IGF2BP2: variants seen among roughly 807,000 people sequenced by gnomAD.
IGF2BP2 encodes the protein insulin like growth factor 2 mRNA binding protein 2.
In IGF2BP2, 17 loss-of-function variants were observed where a neutral mutation model predicts 75.8. That is an observed-to-expected ratio of 0.22 (90% CI 0.15 to 0.34). The LOEUF (loss-of-function observed/expected upper bound fraction) is 0.34. IGF2BP2 is among the 10% of genes least tolerant of loss of function. The pLI, the probability that IGF2BP2 is intolerant of heterozygous loss-of-function variation, is 1.00. For missense variants in IGF2BP2, 516 were observed against 772.4 expected, an observed-to-expected ratio of 0.67 and a Z score of 3.93; for synonymous variants, 288 against 295.6, an observed-to-expected ratio of 0.97 and a Z score of 0.26.
intron 2 of IGF2BP2, among the ~76,000 whole-genome samples, chr3:185,714,449 A>C (rs987661909): frequency 3.3e-5 from 5 of 152,220 alleles, no homozygotes; most frequent in African/African-American, 1.2e-4. Context: ...AAACTCCTAG[A>C]AGTGAAATCC....
chr3:185,794,702 A>G (rs1364154836), intron 2 of IGF2BP2, among the ~76,000 whole-genome samples: 2 of 151,542 alleles, frequency 1.3e-5, no homozygotes, highest in African/African-American at 4.9e-5. Flanking sequence ...TTTTCAGGTA[A>G]ACAGCTCAGT....
chr3:185,682,537 A>T (rs1250607766), intron 7 of IGF2BP2, among the ~76,000 whole-genome samples: 1 of 152,240 alleles, frequency 6.6e-6, no homozygotes, highest in Non-Finnish European at 1.5e-5. Flanking sequence ...CTGGACTAAT[A>T]TATAGTTAAT....
intron 13 of IGF2BP2, among the ~76,000 whole-genome samples, chr3:185,651,083 T>A (rs1714520115): frequency 6.6e-6 from 1 of 151,924 alleles, no homozygotes; most frequent in African/African-American, 2.4e-5. Flanking sequence ...TACTTTAAAA[T>A]TTTTTTTGTA....
At chr3:185,665,423 A>AG (rs1717293949) in intron 10 of IGF2BP2, among the ~76,000 whole-genome samples, 2 of 127,226 alleles carry the variant, frequency 1.6e-5, no homozygotes, top group Admixed American at 7.7e-5. Context: ...GAGGAGAAGG[A>AG]GAAGGAGGAG....
intron 2 of IGF2BP2, among the ~76,000 whole-genome samples, chr3:185,756,468 C>T (rs970456627): frequency 5.9e-5 from 9 of 152,178 alleles, no homozygotes; most frequent in African/African-American, 2.2e-4. Flanking sequence ...CTTCAATATC[C>T]AGTCACTAAC....
chr3:185,761,072 C>T (rs1027723680), intron 2 of IGF2BP2, among the ~76,000 whole-genome samples: 1 of 152,106 alleles, frequency 6.6e-6, no homozygotes, highest in African/African-American at 2.4e-5. Context: ...CTGGTACTAT[C>T]TTATCATGTC....
chr3:185,677,194 G>A (rs927226727), intron 7 of IGF2BP2, among the ~76,000 whole-genome samples: 7 of 150,928 alleles, frequency 4.6e-5, no homozygotes, highest in African/African-American at 1.7e-4. Context: ...GCAAAGGGGA[G>A]GAAACCCTAA....
At chr3:185,673,491 G>C (rs1386483272) in intron 9 of IGF2BP2, among the ~76,000 whole-genome samples, 1 of 152,132 alleles carries the variant, frequency 6.6e-6, no homozygotes, top group Non-Finnish European at 1.5e-5. Flanking sequence ...TCGGCTTTGT[G>C]ATCATCTTGC....
intron 2 of IGF2BP2, among the ~76,000 whole-genome samples, chr3:185,812,120 G>A (rs952170183): frequency 3.3e-5 from 5 of 152,120 alleles, no homozygotes; most frequent in Admixed American, 1.3e-4. Flanking sequence ...ACATTTGTTC[G>A]TTCTAACCAA....
Position 185,721,345 on chromosome 3 carries a change from G to A in IGF2BP2, c.240-22998C>T, listed in dbSNP as rs907294495. On this transcript the variant is annotated intron_variant, in intron 2 of 15. Coordinates refer to ENST00000382199, the MANE Select transcript of IGF2BP2 (RefSeq NM_006548.6). Reference sequence around the variant, plus strand: ...GCCTCCCGAGTAGCTGAGATTACAGGTACCCACCACAATGCCCAGCTAATT... The same window carrying A: ...GCCTCCCGAGTAGCTGAGATTACAGATACCCACCACAATGCCCAGCTAATT... 3.9e-5 allele frequency among the ~76,000 whole-genome samples: 6 copies of A among 152,078 alleles called. No individual in the cohort carries two copies. The South Asian group carries it at 1.2e-3, about 32-fold the overall frequency.
At chr3:185,784,765 C>A (rs1229115302) in intron 2 of IGF2BP2, among the ~76,000 whole-genome samples, 1 of 152,174 alleles carries the variant, frequency 6.6e-6, no homozygotes, top group African/African-American at 2.4e-5. Context: ...CTCAAGGGTA[C>A]AATGGGCATT....
chr3:185,813,491 T>A (rs183172003), intron 2 of IGF2BP2, among the ~76,000 whole-genome samples: 22 of 152,312 alleles, frequency 1.4e-4, no homozygotes, highest in African/African-American at 4.3e-4. Context: ...GGGTAAACAG[T>A]AGTACAGCTG....
At chr3:185,704,090 G>A (rs990922616) in intron 2 of IGF2BP2, among the ~76,000 whole-genome samples, 5 of 152,086 alleles carry the variant, frequency 3.3e-5, no homozygotes, top group African/African-American at 1.2e-4. Flanking sequence ...GGCTCCATGC[G>A]GGATTCTACC....
At chr3:185,810,728 C>T (rs1459890478) in intron 2 of IGF2BP2, among the ~76,000 whole-genome samples, 2 of 150,706 alleles carry the variant, frequency 1.3e-5, no homozygotes, top group Non-Finnish European at 2.9e-5. Context: ...GAGCCAAGAT[C>T]GTGCCACTGC....
intron 2 of IGF2BP2, among the ~76,000 whole-genome samples, chr3:185,752,552 C>A (rs1009653553): frequency 1.3e-5 from 2 of 152,050 alleles, no homozygotes; most frequent in African/African-American, 2.4e-5. Context: ...ACACTTTACA[C>A]ACATTCCCCA....
intron 2 of IGF2BP2, among the ~76,000 whole-genome samples, chr3:185,791,493 A>C (rs1736635981): frequency 6.6e-6 from 1 of 152,230 alleles, no homozygotes; most frequent in South Asian, 2.1e-4. Context: ...TCTTTCTTCA[A>C]CTCAACCAAA....
At chr3:185,743,574 C>T (rs752935567) in intron 2 of IGF2BP2, among the ~76,000 whole-genome samples, 19 of 152,184 alleles carry the variant, frequency 1.2e-4, no homozygotes, top group Non-Finnish European at 2.5e-4. Flanking sequence ...CCACGTCTGG[C>T]CTATATTTTA....
chr3:185,818,872 T>C (rs1162526055), intron 2 of IGF2BP2, among the ~76,000 whole-genome samples: 1 of 152,124 alleles, frequency 6.6e-6, no homozygotes, highest in African/African-American at 2.4e-5. Flanking sequence ...CTCAACACAG[T>C]ACTTGAAAAT....
chr3:185,752,661 C>T (rs1731112158), intron 2 of IGF2BP2, among the ~76,000 whole-genome samples: 1 of 152,036 alleles, frequency 6.6e-6, no homozygotes, highest in Non-Finnish European at 1.5e-5. Context: ...ATGATCTTGG[C>T]TCACTGCAAC....
Sources: allele counts gnomAD v4.1 joint callset (sites outside exome capture counted in the v4.1 genomes callset), GRCh38; gene constraint gnomAD v4.1.1; transcripts MANE v1.5; gene names NCBI Gene and HGNC (gene_info 2026-07-23, HGNC 2026-07-21).